The following DAPK2 variants were observed in gnomAD, a reference collection of about 807,000 sequenced individuals.
The protein encoded by DAPK2 is death associated protein kinase 2.
Under a neutral mutation model 44.1 loss-of-function variants are expected in DAPK2, and 35 were observed. That is an observed-to-expected ratio of 0.79 (90% CI 0.61 to 1.05). DAPK2 has a LOEUF of 1.05. Ranked by LOEUF, DAPK2 falls within the 50% of genes least tolerant of loss-of-function variation. DAPK2 has a pLI of 0.00. For synonymous variants in DAPK2, 174 were observed against 182.6 expected, an observed-to-expected ratio of 0.95 and a Z score of 0.38; for missense variants, 453 against 483.2, an observed-to-expected ratio of 0.94 and a Z score of 0.59.
At chr15:63,981,551 A>T (rs987123287) in intron 2 of DAPK2, among the ~76,000 whole-genome samples, 6 of 152,220 alleles carry the variant, frequency 3.9e-5, no homozygotes, top group African/African-American at 1.4e-4. Flanking sequence ...AAGTACAATG[A>T]TTGTATACAA....
intron 1 of DAPK2, among the ~76,000 whole-genome samples, chr15:63,999,208 T>C (rs567134785): frequency 3.3e-5 from 5 of 152,230 alleles, no homozygotes; most frequent in African/African-American, 1.2e-4. Flanking sequence ...GCAAACTAAT[T>C]TGGTCAAAAT....
intron 1 of DAPK2, among the ~76,000 whole-genome samples, chr15:64,030,327 G>A (rs1364146215): frequency 6.6e-6 from 1 of 152,018 alleles, no homozygotes; most frequent in Non-Finnish European, 1.5e-5. Context: ...TTGTGGTGTT[G>A]ACAAGATCAA....
intron 2 of DAPK2, among the ~76,000 whole-genome samples, chr15:63,981,466 A>G (rs530002803): frequency 3.3e-5 from 5 of 152,354 alleles, no homozygotes; most frequent in South Asian, 2.1e-4. Flanking sequence ...AGTGAAACAT[A>G]TAGTCAGTTA....
At chr15:63,956,498 T>C (rs1339497004) in intron 3 of DAPK2, among the ~76,000 whole-genome samples, 3 of 152,140 alleles carry the variant, frequency 2.0e-5, no homozygotes, top group African/African-American at 7.2e-5. Flanking sequence ...TTAATTCCCA[T>C]GTGTTTGTAT....
chr15:63,942,534 A>G (rs2077337116), intron 3 of DAPK2, among the ~76,000 whole-genome samples: 1 of 152,020 alleles, frequency 6.6e-6, no homozygotes, highest in Non-Finnish European at 1.5e-5. Context: ...CCTGGGCGAC[A>G]AAGTGAGACT....
At chr15:63,978,718 A>AC (rs1217181100) in intron 2 of DAPK2, among the ~76,000 whole-genome samples, 1 of 151,974 alleles carries the variant, frequency 6.6e-6, no homozygotes, top group East Asian at 1.9e-4. Context: ...CCCTGGAGCC[A>AC]CCCCCCATCT....
chr15:63,947,082 C>T (rs549426435), intron 3 of DAPK2, among the ~76,000 whole-genome samples: 5 of 152,170 alleles, frequency 3.3e-5, no homozygotes, highest in South Asian at 2.1e-4. Context: ...ACTCCCTGCC[C>T]GCTTTCCCTC....
intron 3 of DAPK2, among the ~76,000 whole-genome samples, chr15:63,960,151 T>C (rs1415992831): frequency 1.3e-5 from 2 of 152,238 alleles, no homozygotes; most frequent in East Asian, 3.8e-4. Flanking sequence ...TAGAGGTGTT[T>C]ATAGTATTCT....
At chr15:64,011,698 G>T (rs1418634717) in intron 1 of DAPK2, among the ~76,000 whole-genome samples, 2 of 152,174 alleles carry the variant, frequency 1.3e-5, no homozygotes, top group African/African-American at 2.4e-5. Context: ...AAACTAATTT[G>T]CAATTTTACT....
intron 1 of DAPK2, among the ~76,000 whole-genome samples, chr15:63,995,559 G>T (rs893592283): frequency 1.3e-5 from 2 of 152,190 alleles, no homozygotes; most frequent in Non-Finnish European, 2.9e-5. Context: ...ACTCTGAAGG[G>T]AGCAATTCTG....
intron 2 of DAPK2, among the ~76,000 whole-genome samples, chr15:63,975,691 C>T (rs1204302416): frequency 2.0e-5 from 3 of 152,082 alleles, no homozygotes; most frequent in Non-Finnish European, 4.4e-5. Flanking sequence ...CTCCGCCTCC[C>T]AGGTTCAACT....
chr15:63,948,701 A>T (rs2077513906), intron 3 of DAPK2, among the ~76,000 whole-genome samples: 1 of 152,196 alleles, frequency 6.6e-6, no homozygotes, highest in South Asian at 2.1e-4. Flanking sequence ...GCGTTCCTCC[A>T]CACACGCAAC....
intron 3 of DAPK2, among the ~76,000 whole-genome samples, chr15:63,948,501 T>C (rs1218230592): frequency 8.6e-5 from 13 of 152,030 alleles, no homozygotes; most frequent in Admixed American, 8.5e-4. Flanking sequence ...GAACTCACTA[T>C]CATGAGAACA....
chr15:64,041,116 T>C (rs893747246), upstream of DAPK2, among the ~76,000 whole-genome samples: 1 of 152,196 alleles, frequency 6.6e-6, no homozygotes, highest in Non-Finnish European at 1.5e-5. Context: ...CTCAGCTCCC[T>C]CAGGTGTTGT....
chr15:64,032,526 C>T (rs948563278), intron 1 of DAPK2, among the ~76,000 whole-genome samples: 2 of 152,208 alleles, frequency 1.3e-5, no homozygotes, highest in Non-Finnish European at 2.9e-5. Context: ...GCCCCAGCCT[C>T]TCCAACCTGC....
At chr15:63,927,997 C>G (rs936724878) in intron 6 of DAPK2, among the ~76,000 whole-genome samples, 1 of 152,138 alleles carries the variant, frequency 6.6e-6, no homozygotes, top group African/African-American at 2.4e-5. Context: ...ATCTGCCCAC[C>G]TCAGCCTTCC....
rs1412864816 is a variant in DAPK2, at chr15:64,020,313, A to G, written c.92+19857T>C. On this transcript the variant is annotated intron_variant, in intron 1 of 10. Transcript: ENST00000261891. This position sits in a 1 kb window ranked among gnomAD's most constrained non-coding sequence, Gnocchi z 4.5. ...GCACTACCTTGTTGAATGCATCAACATGAAGAAACAGCTGAGAAGGCAGTG... is the reference window on the plus strand; with the variant it reads ...GCACTACCTTGTTGAATGCATCAACGTGAAGAAACAGCTGAGAAGGCAGTG... Among the ~76,000 whole-genome samples, 1 of 152,228 alleles carries G rather than the reference A, an allele frequency of 6.6e-6. No homozygotes were observed. The highest frequency in any genetic ancestry group is 2.4e-5 in the African/African-American group (1 of 41,458).
intron 1 of DAPK2, among the ~76,000 whole-genome samples, chr15:64,026,051 T>A (rs1025988486): frequency 6.6e-6 from 1 of 152,026 alleles, no homozygotes; most frequent in African/African-American, 2.4e-5. Flanking sequence ...CAGGTGAAAG[T>A]TCCTGGTTCT....
chr15:64,019,231 T>A, intron 1 of DAPK2, among the ~76,000 whole-genome samples: 1 of 152,260 alleles, frequency 6.6e-6, no homozygotes, highest in East Asian at 1.9e-4. Flanking sequence ...AGCTAGCTGC[T>A]GTGAATTACA....
Sources: gnomAD v4.1 joint callset for allele counts (sites outside exome capture counted in the v4.1 genomes callset) on GRCh38, gnomAD v4.1.1 for gene constraint, Gnocchi (gnomAD v3.1) non-coding constraint, MANE v1.5 for transcripts, NCBI Gene and HGNC (gene_info 2026-07-23, HGNC 2026-07-21) for gene names.